Variants in TIAM1 observed in about 807,000 individuals in gnomAD.
The protein encoded by TIAM1 is rho guanine nucleotide exchange factor TIAM1.
In TIAM1, 65 loss-of-function variants were observed where a neutral mutation model predicts 163.5. The observed-to-expected ratio is 0.40, with a 90% CI of 0.33 to 0.49. TIAM1 has a LOEUF of 0.49. Ranked by LOEUF, TIAM1 falls within the 20% of genes least tolerant of loss-of-function variation. The pLI, the probability that TIAM1 is intolerant of heterozygous loss-of-function variation, is 0.77. For missense variants in TIAM1, 1,789 were observed against 2,044.7 expected (o/e 0.87, Z 2.41); for synonymous variants, 833 against 810.1 (o/e 1.03, Z -0.48).
chr21:31,337,684 A>G (rs2075888393), intron 2 of TIAM1, among the ~76,000 whole-genome samples: 1 of 151,872 alleles, frequency 6.6e-6, no homozygotes, highest in Non-Finnish European at 1.5e-5. Flanking sequence ...GGTATGTGCC[A>G]CCACACCGGG....
intron 1 of TIAM1, among the ~76,000 whole-genome samples, chr21:31,536,385 G>A (rs1486841233): frequency 1.3e-5 from 2 of 152,164 alleles, no homozygotes; most frequent in Admixed American, 6.5e-5. Context: ...CCATGCAAGC[G>A]CATGCTGTGC....
chr21:31,435,350 G>C (rs763659945), intron 2 of TIAM1, among the ~76,000 whole-genome samples: 3 of 152,152 alleles, frequency 2.0e-5, no homozygotes, highest in Non-Finnish European at 4.4e-5. Context: ...TAACTTTAAA[G>C]TTACTCTAAA....
In TIAM1 at chr21:31,510,395, C is replaced by T. The variant is rs181711817; in HGVS notation, c.-421-46360G>A. ...GAGCCCACCCTAAGGACCTCATTTG[C>T]ACTTCATCATCTCTTTAGAAGTCCT... On this transcript the variant is annotated intron_variant, in intron 1 of 28. Transcript: ENST00000286827. Among the ~76,000 whole-genome samples, 17 of 152,326 alleles carry T rather than the reference C, an allele frequency of 1.1e-4. No individual in the cohort carries two copies. The East Asian group carries it at 3.3e-3, about 29-fold the overall frequency.
At chr21:31,364,561 G>A (rs2076467664) in intron 2 of TIAM1, among the ~76,000 whole-genome samples, 1 of 152,214 alleles carries the variant, frequency 6.6e-6, no homozygotes, top group African/African-American at 2.4e-5. Context: ...GCCACAGATG[G>A]AGAGGAAAGA....
intron 2 of TIAM1, among the ~76,000 whole-genome samples, chr21:31,402,807 C>T (rs565906833): frequency 6.6e-6 from 1 of 152,104 alleles, no homozygotes; most frequent in South Asian, 2.1e-4. Flanking sequence ...AAAAAATTAG[C>T]CGGGCGTGGT....
chr21:31,258,992 T>C (rs553899333), intron 4 of TIAM1, among the ~76,000 whole-genome samples: 9 of 152,282 alleles, frequency 5.9e-5, no homozygotes, highest in African/African-American at 2.2e-4. Context: ...TAGGGCAGGC[T>C]GGCTTTATGG....
At chr21:31,400,720 T>A (rs562265884) in intron 2 of TIAM1, among the ~76,000 whole-genome samples, 1 of 152,274 alleles carries the variant, frequency 6.6e-6, no homozygotes, top group South Asian at 2.1e-4. Flanking sequence ...CCAGTCCTCT[T>A]CTCTGTCTTT....
At position 31,234,380 on chromosome 21, in the gene TIAM1, A is replaced by G. The variant is rs115639581; in HGVS notation, c.1585-8430T>C. Among the ~76,000 whole-genome samples, 516 of 106,498 alleles carry G rather than the reference A, an allele frequency of 4.8e-3. 3 individuals carry two copies. Among genetic ancestry groups the G allele is most frequent in the African/African-American group, 0.037 (485 of 13,040 alleles). 69.9% of individuals were successfully genotyped at this position (106,498 alleles called of 152,430 possible). ...GAGGTGGGGAAGGAAGGAAGGAAGG[A>G]AGGGAGGGAGGGAGGGATGAAGGGA... On this transcript the variant is annotated intron_variant, in intron 6 of 27. Coordinates refer to ENST00000541036, the MANE Select transcript of TIAM1 (RefSeq NM_001353694.2).
chr21:31,247,603 C>T (rs558444849), intron 5 of TIAM1, among the ~76,000 whole-genome samples: 1 of 152,028 alleles, frequency 6.6e-6, no homozygotes, highest in Admixed American at 6.6e-5. Flanking sequence ...ACTATGTTAC[C>T]CAGGTTGGTC....
chr21:31,148,956 C>CTTTTTTT (rs869158026), intron 19 of TIAM1, among the ~76,000 whole-genome samples: 886 of 28,644 alleles, frequency 0.031, 19 homozygotes, highest in African/African-American at 0.079. Context: ...ACAAGTTTTT[C>CTTTTTTT]TTTTTCTTTT....
At chr21:31,176,900 CT>C (rs1213379041) in intron 15 of TIAM1, among the ~76,000 whole-genome samples, 2 of 152,034 alleles carry the variant, frequency 1.3e-5, no homozygotes, top group African/African-American at 4.8e-5. Flanking sequence ...CTCATGAGCT[CT>C]GAAAAAGGGC....
chr21:31,226,962 T>G (rs1231248679), intron 6 of TIAM1, among the ~76,000 whole-genome samples: 2 of 148,426 alleles, frequency 1.3e-5, no homozygotes, highest in Non-Finnish European at 3.0e-5. Context: ...GTTTTTTTTT[T>G]TTTTTTTTTT....
At chr21:31,496,939 G>C (rs1221895872) in intron 1 of TIAM1, among the ~76,000 whole-genome samples, 1 of 152,150 alleles carries the variant, frequency 6.6e-6, no homozygotes, top group African/African-American at 2.4e-5. Flanking sequence ...TTCTCATAAG[G>C]AGCACGCAAC....
At chr21:31,161,051 G>A in intron 16 of TIAM1, 1 of 151,732 alleles carries the variant, frequency 6.6e-6, no homozygotes, top group East Asian at 1.9e-4. Context: ...GTGTGTGTGT[G>A]TGTGTGTGTG....
intron 2 of TIAM1, among the ~76,000 whole-genome samples, chr21:31,378,979 T>C (rs115403393): frequency 2.0e-5 from 3 of 152,148 alleles, no homozygotes; most frequent in African/African-American, 7.2e-5. Flanking sequence ...TTTTATTTTG[T>C]TTTTTCAATT....
chr21:31,213,866 CA>C lies in TIAM1; in HGVS notation c.2143-395del, dbSNP rs35524539. On this transcript the variant is annotated intron_variant, in intron 9 of 27. Coordinates refer to ENST00000541036, the MANE Select transcript of TIAM1 (RefSeq NM_001353694.2). ...GCAATATAGTTAGACCTCATCTCTA[CA>C]AAAAAAAAAAAAAAAAAAGAATTAC... Among the ~76,000 whole-genome samples, 321 of 54,832 alleles carry C rather than the reference CA, an allele frequency of 5.9e-3. 1 individual carries two copies. Among genetic ancestry groups the C allele is most frequent in the Middle Eastern group, 0.02 (2 of 100 alleles). The allele number at this position is 54,832 out of a possible 152,430, so 36.0% of individuals were successfully genotyped here. A position where few individuals can be genotyped will look rare whatever the true frequency, so the allele number is the denominator to read the frequency against.
intron 10 of TIAM1, among the ~76,000 whole-genome samples, chr21:31,210,803 A>AAGGAAGAAAGAAAGAAAGAAAGG (rs1569034935): frequency 2.1e-5 from 3 of 143,968 alleles, no homozygotes; most frequent in African/African-American, 8.3e-5. Context: ...AGAAAGAAAG[A>AAGGAAGAAAGAAAGAAAGAAAGG]AAGAAAGAAA....
At chr21:31,182,742 T>C in intron 14 of TIAM1, 97 bp from the exon 15 acceptor site, 6 of 1,247,672 alleles carry the variant, frequency 4.8e-6, no homozygotes, top group Non-Finnish European at 6.6e-6. Context: ...GCTGTGGGTC[T>C]CACAGCCCCA....
chr21:31,467,257 G>A (rs531488494), intron 1 of TIAM1, among the ~76,000 whole-genome samples: 13 of 152,064 alleles, frequency 8.5e-5, no homozygotes, highest in Non-Finnish European at 1.8e-4. Flanking sequence ...ATTTGAGTCC[G>A]GGAGTTCCAG....
Sources: gnomAD v4.1 joint callset for allele counts (sites outside exome capture counted in the v4.1 genomes callset) on GRCh38, gnomAD v4.1.1 for gene constraint, MANE v1.5 for transcripts, NCBI Gene and HGNC (gene_info 2026-07-23, HGNC 2026-07-21) for gene names.